VPS53: variants seen among roughly 807,000 people sequenced by gnomAD.
The protein encoded by VPS53 is vacuolar protein sorting-associated protein 53 homolog.
In VPS53, 70 loss-of-function variants were observed where a neutral mutation model predicts 107.0. That is an observed-to-expected ratio of 0.65 (90% confidence interval 0.54 to 0.80). The LOEUF (loss-of-function observed/expected upper bound fraction) is 0.80, where lower values mean the gene tolerates loss of function less well. Among genes scored for constraint, VPS53 ranks in the 30% least tolerant of loss-of-function variants. VPS53 has a pLI of 0.00. For synonymous variants in VPS53, 409 were observed against 393.3 expected (o/e 1.04, Z -0.47); for missense variants, 917 against 1,049.4 (o/e 0.87, Z 1.74).
At chr17:610,552 G>A (rs1968813397) in intron 11 of VPS53, among the ~76,000 whole-genome samples, 1 of 152,078 alleles carries the variant, frequency 6.6e-6, no homozygotes, top group Non-Finnish European at 1.5e-5. Flanking sequence ...TGACTATCAA[G>A]AGAGTGAAAA....
intron 8 of VPS53, among the ~76,000 whole-genome samples, chr17:629,810 CACACA>C (rs1438621472): frequency 1.4e-3 from 2 of 1,452 alleles, no homozygotes; most frequent in Non-Finnish European, 2.8e-3. Flanking sequence ...AAAAAAAAAC[CACACA>C]CACACACACA....
rs149251996 is a variant in VPS53, at chr17:536,898, T to TG, written c.2015+129dup. 4.7e-3 allele frequency: 5,530 copies of TG among 1,181,412 alleles called. 146 individuals are homozygous for TG. The East Asian group carries it at 0.075, about 16-fold the overall frequency. 73.2% of individuals were successfully genotyped at this position (1,181,412 alleles called of 1,614,324 possible). A position where few individuals can be genotyped will look rare whatever the true frequency, so the allele number is the denominator to read the frequency against. ...TCGGTAATGGGAAGACTGTGCATGT[T>TG]GGGGGGGTCAGGTACACGGGAAATC... On this transcript the variant is annotated intron_variant, in intron 18 of 21. Coordinates refer to ENST00000437048, the MANE Select transcript of VPS53 (RefSeq NM_001128159.3).
At chr17:558,408 C>T (rs1179054734) in intron 15 of VPS53, among the ~76,000 whole-genome samples, 10 of 149,552 alleles carry the variant, frequency 6.7e-5, no homozygotes. Context: ...CCAAGACGGG[C>T]AGATCACAAG....
At chr17:640,412 C>T (rs9908791) in intron 7 of VPS53, among the ~76,000 whole-genome samples, 6,464 of 152,174 alleles carry the variant, frequency 0.042, 449 homozygotes, top group African/African-American at 0.15. Context: ...CTGTCCTGCA[C>T]CCACTGTCCG....
Position 560,408 on chromosome 17 carries a change from G to A in VPS53, c.1704+18C>T. The A allele has an allele frequency of 6.2e-7, 1 of 1,604,120 alleles. No homozygotes were observed. The highest frequency in any genetic ancestry group is 8.5e-7 in the Non-Finnish European group (1 of 1,174,518). On this transcript the variant is annotated intron_variant, in intron 15 of 21. Transcript: ENST00000437048. ...TTCAGGAAAAGGAGGTGGTGAGTGG[G>A]CAGCCAGGATGGCTCACCTGCTGGG...
chr17:697,882 C>A (rs889354763), intron 3 of VPS53, among the ~76,000 whole-genome samples: 1 of 152,154 alleles, frequency 6.6e-6, no homozygotes. Context: ...GCGGAAAGAG[C>A]CAGAGTGATA....
At chr17:587,465 TAGAG>T (rs935886769) in intron 12 of VPS53, among the ~76,000 whole-genome samples, 1 of 152,106 alleles carries the variant, frequency 6.6e-6, no homozygotes, top group Non-Finnish European at 1.5e-5. Flanking sequence ...ATCAGATAGA[TAGAG>T]AGAGAGACAG....
chr17:533,537 C>T (rs866152388), intron 18 of VPS53, among the ~76,000 whole-genome samples: 3 of 152,204 alleles, frequency 2.0e-5, no homozygotes, highest in East Asian at 1.9e-4. Flanking sequence ...ACTGCTCCCT[C>T]GCCTGGACTG....
chr17:561,770 C>T (rs1292051406), intron 14 of VPS53, among the ~76,000 whole-genome samples: 1 of 152,220 alleles, frequency 6.6e-6, no homozygotes, highest in African/African-American at 2.4e-5. Flanking sequence ...GCCGGGACTA[C>T]AGGCATGCAC....
At chr17:634,669 G>A (rs1481015841) in intron 7 of VPS53, among the ~76,000 whole-genome samples, 1 of 151,324 alleles carries the variant, frequency 6.6e-6, no homozygotes, top group East Asian at 2.0e-4. Flanking sequence ...CCTTGCAATA[G>A]TTTGCTGAGA....
At chr17:610,876 T>A (rs996344808) in intron 11 of VPS53, among the ~76,000 whole-genome samples, 1 of 144,740 alleles carries the variant, frequency 6.9e-6, no homozygotes, top group Non-Finnish European at 1.5e-5. Flanking sequence ...AGGCAGAGGT[T>A]GCAGTGAGCC....
intron 4 of VPS53, among the ~76,000 whole-genome samples, chr17:665,132 C>T (rs894281021): frequency 6.6e-6 from 1 of 152,162 alleles, no homozygotes; most frequent in Non-Finnish European, 1.5e-5. Flanking sequence ...GGGGTTTGCC[C>T]TCACGAACAA....
At chr17:681,754 G>A (rs1350937039) in intron 4 of VPS53, among the ~76,000 whole-genome samples, 2 of 152,218 alleles carry the variant, frequency 1.3e-5, no homozygotes, top group African/African-American at 4.8e-5. Context: ...CAAGATGGAG[G>A]CACCAGGAGA....
At chr17:565,705 G>C (rs11655839) in intron 13 of VPS53, among the ~76,000 whole-genome samples, 94,802 of 151,496 alleles carry the variant, frequency 0.63, 30,404 homozygotes, top group African/African-American at 0.77. Flanking sequence ...CTCCCGGTCA[G>C]TGGGCCTCGC....
chr17:618,250 CA>C (rs1567679507), intron 11 of VPS53, among the ~76,000 whole-genome samples: 3 of 75,658 alleles, frequency 4.0e-5, no homozygotes, highest in Admixed American at 1.2e-4. Flanking sequence ...TACAGGCGTG[CA>C]CCACCACGCC....
intron 7 of VPS53, among the ~76,000 whole-genome samples, chr17:645,691 G>C (rs1970657510): frequency 6.6e-6 from 1 of 152,190 alleles, no homozygotes; most frequent in Non-Finnish European, 1.5e-5. Flanking sequence ...CCCTATGCTG[G>C]TTTCTGCCAA....
chr17:648,326 T>C (rs763633552), intron 7 of VPS53, among the ~76,000 whole-genome samples: 6 of 152,158 alleles, frequency 3.9e-5, no homozygotes, highest in Non-Finnish European at 8.8e-5. Context: ...GACAGGTGGA[T>C]CACTTGAGGT....
chr17:559,140 T>A (rs904285701), intron 15 of VPS53, among the ~76,000 whole-genome samples: 23 of 152,190 alleles, frequency 1.5e-4, no homozygotes, highest in African/African-American at 5.6e-4. Flanking sequence ...ATGCTAATGC[T>A]ATGTATGACA....
At chr17:662,891 A>AAGGCAGGC (rs796978892) in intron 4 of VPS53, among the ~76,000 whole-genome samples, 99 of 137,648 alleles carry the variant, frequency 7.2e-4, no homozygotes, top group African/African-American at 2.5e-3. Context: ...GGAAGGAAGG[A>AAGGCAGGC]AGGCAGGCAG....
Sources: allele counts gnomAD v4.1 joint callset (sites outside exome capture counted in the v4.1 genomes callset), GRCh38; gene constraint gnomAD v4.1.1; transcripts MANE v1.5; gene names NCBI Gene and HGNC (gene_info 2026-07-23, HGNC 2026-07-21).